The following ASB12 variants were observed in gnomAD, a reference collection of about 807,000 sequenced individuals.
The protein encoded by ASB12 is ankyrin repeat and SOCS box protein 12.
ASB12 carries 17 observed loss-of-function variants against 13.7 expected under a neutral mutation model. The observed-to-expected ratio is 1.24, with a 90% CI of 0.85 to 1.86. The LOEUF (loss-of-function observed/expected upper bound fraction) is 1.86. Ranked by LOEUF, ASB12 falls within the 40% of genes most tolerant of loss-of-function variation. The probability of loss-of-function intolerance (pLI) is 0.00; values close to 1 mark genes in which losing one functional copy is unlikely to be tolerated. For synonymous variants in ASB12, 107 were observed against 99.8 expected (o/e 1.07, Z -0.43); for missense variants, 329 against 250.5 (o/e 1.31, Z -2.11).
chrX:64,227,057 G>A (rs1930962598), intron 1 of ASB12, among the ~76,000 whole-genome samples: 1 of 111,330 alleles, frequency 9.0e-6, no homozygotes, highest in South Asian at 3.8e-4. Context: ...GCAGACCCAG[G>A]TTTGCAGCTC....
intron 1 of ASB12, among the ~76,000 whole-genome samples, chrX:64,229,563 C>CG (rs1280089973): frequency 1.8e-5 from 2 of 111,781 alleles, no homozygotes; most frequent in African/African-American, 6.5e-5. Context: ...GACAAACTAG[C>CG]AAAGTCTGTA....
At chrX:64,230,060 C>T (rs1260533361) in intron 1 of ASB12, among the ~76,000 whole-genome samples, 1 of 110,585 alleles carries the variant, frequency 9.0e-6, no homozygotes, top group Non-Finnish European at 1.9e-5. Context: ...GTTTTTAAGC[C>T]TCATCTTCCT....
chrX:64,224,427 G>A lies in ASB12; in HGVS notation c.865C>T (p.Arg289Cys), dbSNP rs765670083. The change falls in exon 3 of 3, where the codon CGC (arginine) becomes TGC (cysteine). Residue 289 changes from arginine to cysteine, a missense_variant. Transcript: ENST00000362002. ...TGGCCAGCCTGGCACAAGGCTCTGC[G>A]GACGACTAAACGGACCTGTGATAGA... ...SLLSQVRLVVRRALCQAGQPQ... is the reference protein window; with the variant it reads ...SLLSQVRLVVCRALCQAGQPQ... 1.6e-5 allele frequency: 19 copies of A among 1,208,150 alleles called. No individual in the cohort carries two copies. The highest frequency in any genetic ancestry group is 4.6e-4 in the Middle Eastern group (2 of 4,368).
intron 1 of ASB12, among the ~76,000 whole-genome samples, chrX:64,228,334 T>C (rs984978115): frequency 1.8e-5 from 2 of 112,528 alleles, no homozygotes; most frequent in Non-Finnish European, 3.7e-5. Flanking sequence ...GTCTGTGTTA[T>C]AGCACTATAG....
chrX:64,225,734 C>G, intron 1 of ASB12, 60 bp from the exon 2 acceptor site: 1 of 1,084,261 alleles, frequency 9.2e-7, no homozygotes, highest in Non-Finnish European at 1.2e-6. Flanking sequence ...TGACCATGCA[C>G]GCTCCTTGAA....
chrX:64,224,382 G>T lies in ASB12; in HGVS notation c.910C>A (p.Leu304Met), dbSNP rs201762866. 1.5e-5 allele frequency: 18 copies of T among 1,208,456 alleles called. No individual in the cohort carries two copies. The African/African-American group carries it at 2.6e-4, about 18-fold the overall frequency. The change falls in exon 3 of 3, where the codon CTG (leucine) becomes ATG (methionine). Residue 304 changes from leucine (L) to methionine (M), a missense_variant. Transcript: ENST00000362002. ...QAGQPQAINQ[L>M]DIPPMLISYL... Reference sequence around the variant, plus strand: ...CTAATCAACATGGGAGGAATATCCAGCTGGTTGATGGCTTGTGGCTGGCCA... The same window carrying T: ...CTAATCAACATGGGAGGAATATCCATCTGGTTGATGGCTTGTGGCTGGCCA...
In ASB12 at chrX:64,229,891, TA is replaced by T. The variant is rs768590021; in HGVS notation, c.-25+571del. Among the ~76,000 whole-genome samples, 6 of 111,422 alleles carry T rather than the reference TA, an allele frequency of 5.4e-5. No individual in the cohort carries two copies. The East Asian group carries it at 8.5e-4, about 16-fold the overall frequency. On this transcript the variant is annotated intron_variant, in intron 1 of 2. Transcript: ENST00000362002. ...GAAATAGTACATTTTAGTTAGAGGTTAGGGGGAAAAAAGGTAATTGTCTATT... is the reference window on the plus strand; with the variant it reads ...GAAATAGTACATTTTAGTTAGAGGTTGGGGGAAAAAAGGTAATTGTCTATT...
intron 1 of ASB12, among the ~76,000 whole-genome samples, chrX:64,227,364 G>A (rs7058399): frequency 0.24 from 26,726 of 110,922 alleles, 7,681 homozygotes; most frequent in African/African-American, 0.83. Flanking sequence ...CCATTCACTT[G>A]TCCATTCTCT....
intron 1 of ASB12, among the ~76,000 whole-genome samples, chrX:64,227,181 G>T (rs182692758): frequency 1.8e-5 from 2 of 111,211 alleles, no homozygotes; most frequent in Admixed American, 1.9e-4. Context: ...AGGTTATTAG[G>T]AGTAAGAGAG....
chrX:64,225,170 G>T lies in ASB12; in HGVS notation c.481C>A (p.His161Asn). ...AVAILQELLD[H>N]GAEANVKAKL... ...GCTTTGACGTTGGCCTCTGCACCAT[G>T]GTCTAGGAGCTCCTGCAGGATAGCA... Residue 161 changes from histidine to asparagine, a missense_variant, in exon 2 of 3, where the codon CAT becomes AAT. Transcript: ENST00000362002. The T allele has an allele frequency of 8.3e-7, 1 of 1,211,585 alleles. No individual in the cohort carries two copies. The highest frequency in any genetic ancestry group is 3.0e-5 in the East Asian group (1 of 33,811).
intron 1 of ASB12, among the ~76,000 whole-genome samples, chrX:64,230,160 C>A (rs1448100095): frequency 1.8e-5 from 2 of 111,391 alleles, no homozygotes; most frequent in Non-Finnish European, 1.9e-5. Flanking sequence ...CACAGGGACA[C>A]AAAGACAAAT....
At chrX:64,226,636 C>T (rs1471547266) in intron 1 of ASB12, 1 of 645,249 alleles carries the variant, frequency 1.5e-6, no homozygotes, top group African/African-American at 2.4e-5. Flanking sequence ...CAACCTTCAA[C>T]TCTTCTCTTT....
rs1930919836 is a variant in ASB12, at chrX:64,225,245, T to C, written c.406A>G (p.Ile136Val). 5 of 1,211,314 alleles carry C rather than the reference T, an allele frequency of 4.1e-6. No individual in the cohort carries two copies. In the Middle Eastern group the frequency reaches 6.9e-4, roughly 167 times the overall value. The change falls in exon 2 of 3, where the codon ATC (isoleucine) becomes GTC (valine). Residue 136 changes from isoleucine to valine, a missense_variant. Coordinates refer to ENST00000362002, the MANE Select transcript of ASB12 (RefSeq NM_130388.4). ...AGCACGGGAGAACAGTTGTTGTAGA[T>C]GCTACCACCAGGAGAGGCACCAGCT... ...LEAGASPGGS[I>V]YNNCSPVLTA...
At chrX:64,230,309 T>C (rs868764277) in intron 1 of ASB12, among the ~76,000 whole-genome samples, 154 bp downstream of exon 1, 1 of 111,133 alleles carries the variant, frequency 9.0e-6, no homozygotes, top group Non-Finnish European at 1.9e-5. Context: ...CTCCTCCTGG[T>C]GGGTTGCCCT....
intron 1 of ASB12, among the ~76,000 whole-genome samples, chrX:64,227,666 C>T (rs143874599): frequency 9.0e-4 from 100 of 111,707 alleles, no homozygotes; most frequent in Non-Finnish European, 4.3e-4. Flanking sequence ...CGTCTCTATC[C>T]GAGCCCCCAG....
intron 1 of ASB12, 135 bp downstream of exon 1, chrX:64,230,328 T>C (rs1931032626): frequency 9.0e-6 from 1 of 110,739 alleles, no homozygotes; most frequent in Non-Finnish European, 1.9e-5. Context: ...CTAACGACCT[T>C]CCAAGCGCCT....
Position 64,225,341 on chromosome X carries a change from C to T in ASB12, c.310G>A (p.Val104Ile), listed in dbSNP as rs376708314. ...GTGAAAAGTGGCGTCTGTGCCTTGA[C>T]ATCCAAGCTGTCAACATCAGCACCA... ...AHGADVDSLD[V>I]KAQTPLFTAV... Residue 104 changes from valine (V) to isoleucine (I), a missense_variant, in exon 2 of 3, where the codon GTC (valine) becomes ATC (isoleucine). By Grantham distance (29) the Val-to-Ile change is conservative. Coordinates refer to ENST00000362002, the MANE Select transcript of ASB12 (RefSeq NM_130388.4). 3.3e-6 allele frequency: 4 copies of T among 1,207,178 alleles called. No homozygotes were observed. The highest frequency in any genetic ancestry group is 3.5e-5 in the African/African-American group (2 of 57,044).
At chrX:64,225,768 G>T (rs905185339) in intron 1 of ASB12, 94 bp from the exon 2 acceptor site, 16 of 981,075 alleles carry the variant, frequency 1.6e-5, no homozygotes, top group East Asian at 3.4e-5. Flanking sequence ...TCACCATCAG[G>T]CTACTCATTC....
intron 1 of ASB12, among the ~76,000 whole-genome samples, chrX:64,227,951 A>C (rs1347785372): frequency 2.7e-5 from 3 of 112,289 alleles, no homozygotes; most frequent in African/African-American, 9.7e-5. Context: ...CTCATTGACT[A>C]TGCTTCATCT....
Sources: allele counts gnomAD v4.1 joint callset (sites outside exome capture counted in the v4.1 genomes callset), GRCh38; gene constraint gnomAD v4.1.1; transcripts MANE v1.5; gene names NCBI Gene and HGNC (gene_info 2026-07-23, HGNC 2026-07-21).